AMPD3: variants seen among roughly 807,000 people sequenced by gnomAD.
The protein encoded by AMPD3 is adenosine monophosphate deaminase 3.
A neutral mutation model predicts 82.3 loss-of-function variants in AMPD3; 57 were observed. The observed-to-expected ratio is 0.69, with a 90% CI of 0.56 to 0.86. The LOEUF (loss-of-function observed/expected upper bound fraction) is 0.86. Ranked by LOEUF, AMPD3 falls within the 40% of genes least tolerant of loss-of-function variation. The pLI is 0.00. For missense variants in AMPD3, 870 were observed against 1,003.8 expected (o/e 0.87, Z 1.80); for synonymous variants, 381 against 394.7 (o/e 0.97, Z 0.41).
At chr11:10,454,561 A>G (rs1273081838), upstream of AMPD3, among the ~76,000 whole-genome samples, 1 of 152,242 alleles carries the variant, frequency 6.6e-6, no homozygotes, top group Admixed American at 6.5e-5. Flanking sequence ...ATGAATACCC[A>G]TAAGGGACTA....
At chr11:10,478,787 T>G (rs36106536) in intron 3 of AMPD3, 57 bp downstream of exon 3, 2 of 1,570,826 alleles carry the variant, frequency 1.3e-6, no homozygotes, top group African/African-American at 1.3e-5. Flanking sequence ...AGGGGCCCCA[T>G]GGGCCACAGG....
At chr11:10,503,419 C>T (rs1849630837) in intron 13 of AMPD3, among the ~76,000 whole-genome samples, 1 of 152,172 alleles carries the variant, frequency 6.6e-6, no homozygotes, top group African/African-American at 2.4e-5. Context: ...GTATACCCAG[C>T]ATGTTTTGAT....
At chr11:10,485,160 C>T (rs7113101) in intron 5 of AMPD3, 121 bp downstream of exon 5, 622,460 of 921,632 alleles carry the variant, frequency 0.68, 212,393 homozygotes, top group Admixed American at 0.77. Flanking sequence ...CCAGAAAGAG[C>T]GCGGTTTCTC....
intron 2 of AMPD3, among the ~76,000 whole-genome samples, chr11:10,466,400 C>T (rs578110595): frequency 1.3e-4 from 20 of 152,242 alleles, no homozygotes; most frequent in Admixed American, 8.5e-4. Context: ...AGGTTTTACC[C>T]TCACAGTGTA....
Position 10,482,050 on chromosome 11 carries a change from C to A in AMPD3, c.427-13C>A, listed in dbSNP as rs374707086. The A allele has an allele frequency of 1.9e-6, 3 of 1,614,190 alleles. No individual in the cohort carries two copies. Among genetic ancestry groups the A allele is most frequent in the Admixed American group, 3.3e-5 (2 of 60,032 alleles). On this transcript the variant is annotated splice_polypyrimidine_tract_variant and intron_variant, in intron 3 of 14. Coordinates refer to ENST00000396553, the MANE Select transcript of AMPD3 (RefSeq NM_001025389.2). ...GCTGCATGAACCCTTTCCTGCCTGCCTCCCTTCTGCAGATCACTTTGGAGG... is the reference window on the plus strand; with the variant it reads ...GCTGCATGAACCCTTTCCTGCCTGCATCCCTTCTGCAGATCACTTTGGAGG...
intron 2 of AMPD3, chr11:10,476,872 G>T: frequency 6.2e-6 from 6 of 975,054 alleles, no homozygotes; most frequent in Non-Finnish European, 7.3e-6. Flanking sequence ...GCTGAGGCTG[G>T]GGGCTCCCAG....
rs567684074 is a variant in AMPD3 at position 10,455,419 on chromosome 11, T to C, written c.-35T>C. On this transcript the variant is annotated 5_prime_UTR_variant, in exon 1 of 15. Coordinates refer to ENST00000396553, the MANE Select transcript of AMPD3 (RefSeq NM_001025389.2). ...GCAGAGTCCAGCCAGCGCTCGGAGC[T>C]GGAGGCCCACGTGGGAGCAGTGAGC... The C allele has an allele frequency of 3.8e-5, 37 of 983,320 alleles. No individual in the cohort carries two copies. The highest frequency in any genetic ancestry group is 6.2e-5 in the Admixed American group (1 of 16,100). The allele number at this position is 983,320 out of a possible 1,614,324, so 60.9% of individuals were successfully genotyped here.
At chr11:10,457,540 A>G (rs1344152770) in intron 1 of AMPD3, among the ~76,000 whole-genome samples, 1 of 152,176 alleles carries the variant, frequency 6.6e-6, no homozygotes, top group Non-Finnish European at 1.5e-5. Context: ...CTAAAGAGAA[A>G]GGAAGATATG....
Position 10,505,823 on chromosome 11 carries a change from A to G in AMPD3, c.2243A>G (p.Asn748Ser). Residue 748 changes from asparagine (N) to serine (S), a missense_variant, in exon 15 of 15, where the codon AAT becomes AGT. Transcript: ENST00000396553. ...RMAFRYETLC[N>S]ELSFLSDAMK... Reference sequence around the variant, plus strand: ...GCATTCCGATATGAGACCTTATGCAATGAGCTCAGCTTCCTGTCTGATGCT... The same window carrying G: ...GCATTCCGATATGAGACCTTATGCAGTGAGCTCAGCTTCCTGTCTGATGCT... 5 of 1,614,226 alleles carry G rather than the reference A, an allele frequency of 3.1e-6. No individual in the cohort carries two copies. Among genetic ancestry groups the G allele is most frequent in the Non-Finnish European group, 3.4e-6 (4 of 1,180,044 alleles).
intron 7 of AMPD3, 49 bp from the exon 8 acceptor site, chr11:10,494,850 C>T: frequency 6.3e-7 from 1 of 1,591,586 alleles, no homozygotes. Context: ...GGGGAACGTG[C>T]ATGGTGGCTG....
chr11:10,457,616 G>C (rs1016813991), intron 1 of AMPD3, among the ~76,000 whole-genome samples: 3 of 152,180 alleles, frequency 2.0e-5, no homozygotes, highest in Admixed American at 2.0e-4. Context: ...TGCTTTGTGC[G>C]CTGGTATGAT....
chr11:10,479,982 G>A, intron 3 of AMPD3: 1 of 985,400 alleles, frequency 1.0e-6, no homozygotes, highest in Non-Finnish European at 1.2e-6. Context: ...AGGTGGGCAG[G>A]GCATTGGAAA....
intron 1 of AMPD3, chr11:10,460,795 C>G: frequency 1.4e-6 from 1 of 731,772 alleles, no homozygotes; most frequent in Non-Finnish European, 1.7e-6. Context: ...AAGAATGAAA[C>G]CCAACCAACC....
At chr11:10,501,227 G>A (rs928290481) in intron 11 of AMPD3, 64 of 985,262 alleles carry the variant, frequency 6.5e-5, no homozygotes, top group Non-Finnish European at 7.7e-5. Flanking sequence ...GGAGGGCACA[G>A]CAGGGTCTCT....
chr11:10,478,625 T>C lies in AMPD3; in HGVS notation c.321T>C (p.Ser107=). Residue 107 remains serine, a synonymous_variant, in exon 3 of 15, where the codon TCT becomes TCC. Transcript: ENST00000396553. ...CCCCGGCAGCCAGTCCGGCCATGTC[T>C]CCCACAACCCCTGTGGTCACTGGAG... ...KGPPAASPAM[S]PTTPVVTGAT... 6.2e-7 allele frequency: 1 copy of C among 1,614,192 alleles called. No individual in the cohort carries two copies. Among genetic ancestry groups the C allele is most frequent in the South Asian group, 1.1e-5 (1 of 91,084 alleles).
At position 10,500,171 on chromosome 11, in the gene AMPD3, C is replaced by T. The variant is rs761792246; in HGVS notation, c.1643C>T (p.Thr548Ile). The change falls in exon 11 of 15, where the codon ACC (threonine) becomes ATC (isoleucine). Residue 548 changes from threonine (T) to isoleucine (I), a missense_variant. Coordinates refer to ENST00000396553, the MANE Select transcript of AMPD3 (RefSeq NM_001025389.2). The part of the protein sequence containing the change: ...SDKSPNPDVW[T>I]SEQNPPYSYY... ...AAGAGCCCAAACCCGGACGTCTGGA[C>T]CAGTGAGCAGAACCCACCCTACAGC... 4 of 1,614,094 alleles carry T rather than the reference C, an allele frequency of 2.5e-6. No homozygotes were observed. In the African/African-American group the frequency reaches 5.3e-5, roughly 22 times the overall value.
intron 12 of AMPD3, chr11:10,502,360 G>T (rs1288400058): frequency 2.0e-6 from 2 of 985,342 alleles, no homozygotes; most frequent in African/African-American, 3.5e-5. Context: ...AACAGCTAGA[G>T]GGGGGCATCT....
At chr11:10,461,812 T>C in intron 2 of AMPD3, 72 bp downstream of exon 2, 1 of 1,435,256 alleles carries the variant, frequency 7.0e-7, no homozygotes, top group Non-Finnish European at 9.6e-7. Context: ...GTGTGTGTCC[T>C]GATATGAGGC....
chr11:10,504,162 C>T (rs1321318878), intron 13 of AMPD3: 28 of 934,218 alleles, frequency 3.0e-5, no homozygotes, highest in Non-Finnish European at 3.6e-5. Flanking sequence ...ATCTATCTAT[C>T]ATCTATCTAT....
Sources: gnomAD v4.1 joint callset for allele counts (sites outside exome capture counted in the v4.1 genomes callset) on GRCh38, gnomAD v4.1.1 for gene constraint, MANE v1.5 for transcripts, NCBI Gene and HGNC (gene_info 2026-07-23, HGNC 2026-07-21) for gene names.